Variants in PLD5 observed in about 807,000 individuals in gnomAD.
The protein encoded by PLD5 is inactive phospholipase D5.
A neutral mutation model predicts 61.1 loss-of-function variants in PLD5; 36 were observed. That is an observed-to-expected ratio of 0.59 (90% CI 0.45 to 0.78). PLD5 has a LOEUF of 0.78. PLD5 is among the 30% of genes least tolerant of loss of function. The pLI is 0.00. For synonymous variants in PLD5, 243 were observed against 242.8 expected, an observed-to-expected ratio of 1.00 and a Z score of -0.01; for missense variants, 515 against 644.4, an observed-to-expected ratio of 0.80 and a Z score of 2.17.
At chr1:242,138,809 C>G (rs1663943494) in intron 5 of PLD5, among the ~76,000 whole-genome samples, 1 of 152,048 alleles carries the variant, frequency 6.6e-6, no homozygotes, top group Non-Finnish European at 1.5e-5. Context: ...GGGAAAGAGT[C>G]TTTACACACA....
intron 2 of PLD5, among the ~76,000 whole-genome samples, chr1:242,312,523 C>T (rs1242923325): frequency 2.0e-5 from 3 of 152,110 alleles, no homozygotes; most frequent in African/African-American, 7.2e-5. Flanking sequence ...TCAAAGATCT[C>T]TTGCCCCAGA....
At chr1:242,143,387 T>C (rs990265250) in intron 5 of PLD5, among the ~76,000 whole-genome samples, 1 of 152,116 alleles carries the variant, frequency 6.6e-6, no homozygotes, top group African/African-American at 2.4e-5. Flanking sequence ...AGTCCATAGA[T>C]AGGCTTTTGC....
In PLD5 at chr1:242,394,267, A is replaced by T. The variant is rs1355316508; in HGVS notation, c.190-46025T>A. Among the ~76,000 whole-genome samples the T allele has an allele frequency of 8.1e-5, 7 of 85,988 alleles. 3 individuals carry two copies. The highest frequency in any genetic ancestry group is 4.9e-4 in the South Asian group (1 of 2,042). 56.4% of individuals were successfully genotyped at this position (85,988 alleles called of 152,430 possible). On this transcript the variant is annotated intron_variant, in intron 1 of 9. Coordinates refer to ENST00000536534, the MANE Select transcript of PLD5 (RefSeq NM_001372062.1). ...ATATATGTGTATATATATGAGTATG[A>T]GTATATATATGTGTATATATATGAG...
intron 2 of PLD5, among the ~76,000 whole-genome samples, chr1:242,292,827 G>A (rs1464859444): frequency 1.3e-5 from 2 of 152,122 alleles, no homozygotes; most frequent in Non-Finnish European, 1.5e-5. Flanking sequence ...TTGTGAATAT[G>A]TACTGCAGGA....
chr1:242,124,056 G>A (rs1662589389), intron 6 of PLD5, among the ~76,000 whole-genome samples: 1 of 152,186 alleles, frequency 6.6e-6, no homozygotes, highest in South Asian at 2.1e-4. Context: ...ATAAAAACAA[G>A]TCTGAAAAAT....
At chr1:242,271,326 T>C (rs1371547861) in intron 3 of PLD5, among the ~76,000 whole-genome samples, 1 of 144,264 alleles carries the variant, frequency 6.9e-6, no homozygotes, top group Non-Finnish European at 1.5e-5. Flanking sequence ...CAAAAAAGAT[T>C]AGGTTTGCAA....
intron 5 of PLD5, among the ~76,000 whole-genome samples, chr1:242,153,361 C>T (rs1665094120): frequency 1.3e-5 from 2 of 152,094 alleles, no homozygotes; most frequent in South Asian, 4.1e-4. Context: ...TTAATTAGAT[C>T]CCATTTGTCA....
intron 9 of PLD5, among the ~76,000 whole-genome samples, chr1:242,099,555 C>T (rs969505005): frequency 1.2e-4 from 19 of 152,150 alleles, no homozygotes; most frequent in Non-Finnish European, 2.4e-4. Context: ...TCTGCAGGGG[C>T]GGGAGGCAGT....
intron 5 of PLD5, among the ~76,000 whole-genome samples, chr1:242,214,853 C>T (rs1046339893): frequency 6.9e-6 from 1 of 145,630 alleles, no homozygotes; most frequent in East Asian, 2.0e-4. Context: ...AGAGTCCACT[C>T]GATATGTCAT....
intron 1 of PLD5, among the ~76,000 whole-genome samples, chr1:242,393,814 C>A (rs1034503365): frequency 5.4e-5 from 8 of 148,102 alleles, no homozygotes; most frequent in Admixed American, 1.4e-4. Flanking sequence ...ATTCTCAGCA[C>A]TTTGGGAGGC....
chr1:242,391,773 G>A (rs964080111), intron 1 of PLD5, among the ~76,000 whole-genome samples: 4 of 152,184 alleles, frequency 2.6e-5, no homozygotes, highest in Non-Finnish European at 4.4e-5. Context: ...ATGTTTTGGG[G>A]AGCAGTTAGG....
At chr1:242,164,713 CTTCATTACACTACT>C (rs1302749252) in intron 5 of PLD5, among the ~76,000 whole-genome samples, 5 of 110,324 alleles carry the variant, frequency 4.5e-5, no homozygotes, top group South Asian at 2.9e-4. Flanking sequence ...CTTTCACAAC[CTTCATTACACTACT>C]TTTGGGAAAC....
At chr1:242,204,782 CTGGGTCATATAACGATTAAGGAGTAGG>C (rs1669217520) in intron 5 of PLD5, among the ~76,000 whole-genome samples, 1 of 152,026 alleles carries the variant, frequency 6.6e-6, no homozygotes, top group Non-Finnish European at 1.5e-5. Context: ...ATAACTTGCC[CTGGGTCATATAACGATTAAGGAGTAGG>C]GAAAAAATCA....
rs180711422 is a variant in PLD5, at chr1:242,321,551, C to T, written c.326+26555G>A. 4.1e-4 allele frequency among the ~76,000 whole-genome samples: 63 copies of T among 152,260 alleles called. No individual in the cohort carries two copies. The East Asian group carries it at 0.011, about 28-fold the overall frequency. On this transcript the variant is annotated intron_variant, in intron 2 of 9. Coordinates refer to ENST00000536534, the MANE Select transcript of PLD5 (RefSeq NM_001372062.1). The stretch of plus-strand genomic sequence containing the variant: ...AATTCCTGTCCTCAGGTGATCCACC[C>T]ACCTTGGCCTCCCAAAGTGCTGGGA...
At position 242,256,056 on chromosome 1, in the gene PLD5, T is replaced by C. The variant is rs1672993972; in HGVS notation, c.607+9281A>G. Among the ~76,000 whole-genome samples the C allele has an allele frequency of 6.6e-6, 1 of 152,172 alleles. No individual in the cohort carries two copies. Among genetic ancestry groups the C allele is most frequent in the Admixed American group, 6.5e-5 (1 of 15,282 alleles). ...GCTATTGGTTATTCACTAATATGGG[T>C]AAGGCTCTGTCTAATTGGCTCACTT... On this transcript the variant is annotated intron_variant, in intron 4 of 9. Transcript: ENST00000536534. The surrounding 1 kb of genome is among the most constrained non-coding windows in gnomAD (Gnocchi z 5.7).
chr1:242,140,800 C>A (rs1172146575), intron 5 of PLD5, among the ~76,000 whole-genome samples: 1 of 152,100 alleles, frequency 6.6e-6, no homozygotes, highest in Non-Finnish European at 1.5e-5. Context: ...CTCTCAGCCC[C>A]CTTGGCCTTA....
chr1:242,100,538 C>T, intron 9 of PLD5, 130 bp downstream of exon 9: 1 of 662,206 alleles, frequency 1.5e-6, no homozygotes, highest in South Asian at 1.9e-5. Flanking sequence ...TCCTCATCTC[C>T]ATTTCCCCTC....
At chr1:242,191,957 C>T (rs971367340) in intron 5 of PLD5, among the ~76,000 whole-genome samples, 1 of 152,106 alleles carries the variant, frequency 6.6e-6, no homozygotes, top group Non-Finnish European at 1.5e-5. Context: ...AGCACCTTCC[C>T]AGAAACAACT....
intron 1 of PLD5, among the ~76,000 whole-genome samples, chr1:242,394,205 TGTATATGA>T (rs1558525578): frequency 7.9e-5 from 4 of 50,456 alleles, no homozygotes; most frequent in African/African-American, 2.7e-4. Flanking sequence ...TATATATATG[TGTATATGA>T]GTATATATAT....
Sources: gnomAD v4.1 joint callset for allele counts (sites outside exome capture counted in the v4.1 genomes callset) on GRCh38, gnomAD v4.1.1 for gene constraint, Gnocchi (gnomAD v3.1) non-coding constraint, MANE v1.5 for transcripts, NCBI Gene and HGNC (gene_info 2026-07-23, HGNC 2026-07-21) for gene names.